The following DDX51 variants were observed in gnomAD, a reference collection of about 807,000 sequenced individuals.
The protein encoded by DDX51 is DEAD-box helicase 51, also known as ATP-dependent RNA helicase DDX51.
A neutral mutation model predicts 74.6 loss-of-function variants in DDX51; 67 were observed. That is an observed-to-expected ratio of 0.90 (90% confidence interval 0.74 to 1.10). The LOEUF (loss-of-function observed/expected upper bound fraction) is 1.10. Ranked by LOEUF, DDX51 falls within the 50% of genes least tolerant of loss-of-function variation. DDX51 has a pLI of 0.00. For missense variants in DDX51, 1,056 were observed against 905.2 expected (o/e 1.17, Z -2.14); for synonymous variants, 545 against 402.9 (o/e 1.35, Z -4.22).
At chr12:132,139,491 G>T in intron 14 of DDX51, 144 bp downstream of exon 14, 1 of 1,567,016 alleles carries the variant, frequency 6.4e-7, no homozygotes. Context: ...CCGCCCTTGG[G>T]CCAGAAGCTC....
At chr12:132,143,070 A>C (rs1033591981) in intron 2 of DDX51, 192 bp from the exon 3 acceptor site, 57 of 683,434 alleles carry the variant, frequency 8.3e-5, no homozygotes, top group Non-Finnish European at 9.7e-5. Flanking sequence ...TCCCTGAGCA[A>C]ACTCACTCTG....
intron 3 of DDX51, 48 bp downstream of exon 3, chr12:132,142,680 G>T: frequency 1.2e-6 from 2 of 1,602,856 alleles, no homozygotes. Flanking sequence ...CTTGTGTGTG[G>T]GTGCCCAGGG....
chr12:132,141,670 C>A lies in DDX51; in HGVS notation c.996-64G>T, dbSNP rs1897469263. 9.9e-6 allele frequency: 15 copies of A among 1,516,934 alleles called. No homozygotes were observed. In the South Asian group the frequency reaches 1.8e-4, roughly 18 times the overall value. 94.0% of individuals were successfully genotyped at this position (1,516,934 alleles called of 1,614,324 possible). ...TCAAGGGCTTCCGGATAGCAAGACG[C>A]TGCCTCACCCCACAGCCCCGACTCC... On this transcript the variant is annotated intron_variant, in intron 6 of 14. Coordinates refer to ENST00000397333, the MANE Select transcript of DDX51 (RefSeq NM_175066.4).
chr12:132,141,549 C>T lies in DDX51; in HGVS notation c.1053G>A (p.Val351=), dbSNP rs1313503729. ...ATCCTGGGGTCTGGTCGATGTGGTCCACCAGGCGGCCGGGGGTGGCTACCA... is the reference window on the plus strand; with the variant it reads ...ATCCTGGGGTCTGGTCGATGTGGTCTACCAGGCGGCCGGGGGTGGCTACCA... The part of the protein sequence containing the change: ...DIVVATPGRL[V]DHIDQTPGFS... Residue 351 remains valine (V), a synonymous_variant, in exon 7 of 15, where the codon GTG becomes GTA. Coordinates refer to ENST00000397333, the MANE Select transcript of DDX51 (RefSeq NM_175066.4). 2 of 1,604,674 alleles carry T rather than the reference C, an allele frequency of 1.2e-6. No individual in the cohort carries two copies. The highest frequency in any genetic ancestry group is 2.2e-5 in the East Asian group (1 of 44,792).
chr12:132,142,574 C>T, intron 3 of DDX51, 152 bp from the exon 4 acceptor site: 1 of 1,470,390 alleles, frequency 6.8e-7, no homozygotes, highest in Non-Finnish European at 9.0e-7. Context: ...GAACGCCAGC[C>T]TCAGGAGACC....
At chr12:132,140,036 C>T in intron 12 of DDX51, 62 bp downstream of exon 12, 1 of 1,606,000 alleles carries the variant, frequency 6.2e-7, no homozygotes. Flanking sequence ...GACGGTCCCA[C>T]ATCAACGCCC....
At position 132,143,789 on chromosome 12, in the gene DDX51, T is replaced by C; in HGVS notation, c.425A>G (p.Glu142Gly). Reference protein sequence around the residue: ...PGERSTSASAEAAPDGPALEE... With the variant: ...PGERSTSASAGAAPDGPALEE... ...CAGGGCCGGTCCATCTGGGGCCGCC[T>C]CGGCGCTGGCGCTGGTGCTGCGCTC... is the stretch of plus-strand genomic sequence containing the variant. Residue 142 changes from glutamate (E) to glycine (G), a missense_variant, in exon 2 of 15, where the codon GAG (glutamate) becomes GGG (glycine). Glu to Gly is a moderately conservative substitution (Grantham distance 98). Transcript: ENST00000397333. 1 of 1,519,932 alleles carries C rather than the reference T, an allele frequency of 6.6e-7. No individual in the cohort carries two copies. The highest frequency in any genetic ancestry group is 1.2e-5 in the South Asian group (1 of 82,230). The allele number at this position is 1,519,932 out of a possible 1,614,324, so 94.2% of individuals were successfully genotyped here.
chr12:132,139,334 T>C, intron 14 of DDX51, 36 bp from the exon 15 acceptor site: 1 of 1,601,884 alleles, frequency 6.2e-7, no homozygotes, highest in Non-Finnish European at 8.5e-7. Flanking sequence ...CACCACACAC[T>C]CTGTCCCCTC....
rs199515732 is a variant in DDX51, at chr12:132,141,355, C to T, written c.1170G>A (p.Ala390=). 37 of 1,598,480 alleles carry T rather than the reference C, an allele frequency of 2.3e-5. No individual in the cohort carries two copies. The Middle Eastern group carries it at 5.0e-4, about 21-fold the overall frequency. Residue 390 remains alanine (A), a synonymous_variant, in exon 8 of 15, where the codon GCG becomes GCA. Transcript: ENST00000397333. ...MHQSWLPRVV[A]AAFQSEDPAD... ...CGGGGTCCTCGCTCTGGAAGGCGGC[C>T]GCCACCACCCGCGGCAGCCAGGACT...
At position 132,142,209 on chromosome 12, in the gene DDX51, C is replaced by T; in HGVS notation, c.817-19G>A. On this transcript the variant is annotated intron_variant, in intron 4 of 14. Transcript: ENST00000397333. ...GCAGGGCCTGAGGGGGAAGGAGCGC[C>T]TGCGTCAGCAAGGCTGTTACCTGTC... is the stretch of plus-strand genomic sequence containing the variant. 6.3e-7 allele frequency: 1 copy of T among 1,581,018 alleles called. No individual in the cohort carries two copies. Among genetic ancestry groups the T allele is most frequent in the Admixed American group, 1.7e-5 (1 of 57,162 alleles).
Position 132,141,511 on chromosome 12 carries a change from T to C in DDX51, c.1091A>G (p.Gln364Arg). The C allele has an allele frequency of 1.3e-6, 2 of 1,594,246 alleles. No individual in the cohort carries two copies. The highest frequency in any genetic ancestry group is 2.2e-5 in the East Asian group (1 of 44,634). Residue 364 changes from glutamine (Q) to arginine (R), a missense_variant, in exon 7 of 15, where the codon CAG (glutamine) becomes CGG (arginine). By Grantham distance (43) the Gln-to-Arg change is conservative (BLOSUM62 1). Transcript: ENST00000397333. ...GCGGGGACCTACCAGGAAGCGGAGC[T>C]GCTGGAGGCTGAATCCTGGGGTCTG... Reference protein sequence around the residue: ...IDQTPGFSLQQLRFLIIDEAD... With the variant: ...IDQTPGFSLQRLRFLIIDEAD...
chr12:132,143,628 G>A (rs902399905), intron 2 of DDX51, 67 bp downstream of exon 2: 39 of 1,516,286 alleles, frequency 2.6e-5, no homozygotes, highest in African/African-American at 5.6e-5. Flanking sequence ...CGGGGCGACC[G>A]CCGCACTTAA....
chr12:132,143,771 G>A lies in DDX51; in HGVS notation c.443C>T (p.Pro148Leu), dbSNP rs1262552615. The A allele has an allele frequency of 6.6e-7, 1 of 1,521,844 alleles. No homozygotes were observed. Among genetic ancestry groups the A allele is most frequent in the South Asian group, 1.2e-5 (1 of 82,374 alleles). 94.3% of individuals were successfully genotyped at this position (1,521,844 alleles called of 1,614,324 possible). ...GGGTCCGGCCGCCTCCTCCAGGGCC[G>A]GTCCATCTGGGGCCGCCTCGGCGCT... is the stretch of plus-strand genomic sequence containing the variant. ...SASAEAAPDGPALEEAAGPLV... is the reference protein window; with the variant it reads ...SASAEAAPDGLALEEAAGPLV... Residue 148 changes from proline (P) to leucine (L), a missense_variant, in exon 2 of 15, where the codon CCG (proline) becomes CTG (leucine). By Grantham distance (98) the Pro-to-Leu change is moderately conservative. Transcript: ENST00000397333.
intron 3 of DDX51, 85 bp downstream of exon 3, chr12:132,142,643 G>T (rs1195689020): frequency 1.9e-5 from 30 of 1,559,454 alleles, no homozygotes; most frequent in Non-Finnish European, 2.6e-5. Context: ...ATGTGGCAGG[G>T]ACGCCTGACC....
chr12:132,139,575 G>A (rs763354704), intron 14 of DDX51, 60 bp downstream of exon 14: 29 of 1,612,464 alleles, frequency 1.8e-5, no homozygotes, highest in South Asian at 7.7e-5. Flanking sequence ...GTGTGGTGAC[G>A]ACGCCCTCTC....
chr12:132,140,135 A>C lies in DDX51; in HGVS notation c.1738T>G (p.Tyr580Asp). The change falls in exon 12 of 15, where the codon TAC becomes GAC. Residue 580 changes from tyrosine to aspartate, a missense_variant. By Grantham distance (160) the Tyr-to-Asp change is radical (BLOSUM62 -3). Coordinates refer to ENST00000397333, the MANE Select transcript of DDX51 (RefSeq NM_175066.4). Reference protein sequence around the residue: ...DVQGVELVVNYDAPQYLRTYV... With the variant: ...DVQGVELVVNDDAPQYLRTYV... ...GTTCTCAGGTACTGGGGGGCGTCGT[A>C]GTTCACCACCAGCTCCACACCCTGC... 2 of 1,612,610 alleles carry C rather than the reference A, an allele frequency of 1.2e-6. No homozygotes were observed. Among genetic ancestry groups the C allele is most frequent in the Non-Finnish European group, 1.7e-6 (2 of 1,179,904 alleles).
chr12:132,143,320 C>T (rs776838033), intron 2 of DDX51: 15 of 430,762 alleles, frequency 3.5e-5, no homozygotes, highest in African/African-American at 6.2e-5. Flanking sequence ...CTTCACCTGT[C>T]TCGCCGGAAA....
At position 132,137,258 on chromosome 12, in the gene DDX51, G is replaced by C. The variant is rs1237392535; in HGVS notation, c.*2014C>G. The C allele has an allele frequency of 1.3e-5, 2 of 152,176 alleles. No individual in the cohort carries two copies. Among genetic ancestry groups the C allele is most frequent in the African/African-American group, 2.4e-5 (1 of 41,428 alleles). 9.4% of individuals were successfully genotyped at this position (152,176 alleles called of 1,614,324 possible). On this transcript the variant is annotated 3_prime_UTR_variant, in exon 15 of 15. Transcript: ENST00000397333. ...TGTTTTACTGGGGCCCATTGTGGAA[G>C]TGTGAAGTTTGGTGATCACCCAGGA...
intron 6 of DDX51, 98 bp from the exon 7 acceptor site, chr12:132,141,704 T>A: frequency 6.8e-7 from 1 of 1,470,578 alleles, no homozygotes; most frequent in Non-Finnish European, 9.2e-7. Context: ...CCACCCCACA[T>A]GGGAAGGGGG....
Sources: allele counts gnomAD v4.1 joint callset, GRCh38; gene constraint gnomAD v4.1.1; transcripts MANE v1.5; gene names NCBI Gene and HGNC (gene_info 2026-07-23, HGNC 2026-07-21).